Variants in GRID1 observed in about 807,000 individuals in gnomAD.
GRID1 encodes glutamate ionotropic receptor delta type subunit 1.
Under a neutral mutation model 98.0 loss-of-function variants are expected in GRID1, and 28 were observed. The observed-to-expected ratio is 0.29, with a 90% CI of 0.21 to 0.39. The LOEUF (loss-of-function observed/expected upper bound fraction) is 0.39. Ranked by LOEUF, GRID1 falls within the 10% of genes least tolerant of loss-of-function variation. The pLI, the probability that GRID1 is intolerant of heterozygous loss-of-function variation, is 1.00. For missense variants in GRID1, 1,111 were observed against 1,340.5 expected (o/e 0.83, Z 2.67); for synonymous variants, 553 against 538.5 (o/e 1.03, Z -0.37).
chr10:86,055,813 T>TTCTCTCTC (rs141146400), intron 4 of GRID1, among the ~76,000 whole-genome samples: 6,468 of 147,374 alleles, frequency 0.044, 142 homozygotes, highest in Middle Eastern at 0.062. Flanking sequence ...TGTGCTCTCA[T>TTCTCTCTC]TCTCTCTCTC....
chr10:85,705,723 A>T (rs1841508159), intron 12 of GRID1, among the ~76,000 whole-genome samples: 1 of 152,248 alleles, frequency 6.6e-6, no homozygotes, highest in South Asian at 2.1e-4. Flanking sequence ...ATATTGGCAA[A>T]CCGAATCCAG....
chr10:86,332,699 T>G (rs1848164263), intron 2 of GRID1, among the ~76,000 whole-genome samples: 2 of 151,980 alleles, frequency 1.3e-5, no homozygotes, highest in South Asian at 2.1e-4. Flanking sequence ...ACCCCTCTCC[T>G]CCTGAGGCTT....
At chr10:85,630,982 T>C (rs1377260906) in intron 13 of GRID1, among the ~76,000 whole-genome samples, 1 of 152,180 alleles carries the variant, frequency 6.6e-6, no homozygotes, top group Admixed American at 6.5e-5. Flanking sequence ...ACCATAGAGT[T>C]GAGAGACCAA....
At chr10:85,769,116 G>A (rs934486904) in intron 8 of GRID1, among the ~76,000 whole-genome samples, 2 of 152,136 alleles carry the variant, frequency 1.3e-5, no homozygotes, top group African/African-American at 2.4e-5. Context: ...AGTTCTTTCT[G>A]AACTAATATG....
chr10:85,756,740 T>C (rs990034972), intron 8 of GRID1, among the ~76,000 whole-genome samples: 12 of 152,216 alleles, frequency 7.9e-5, no homozygotes, highest in African/African-American at 2.4e-4. Flanking sequence ...CCATGAAAAC[T>C]GAAACCGCAA....
intron 12 of GRID1, among the ~76,000 whole-genome samples, chr10:85,651,293 G>C (rs1270502492): frequency 6.6e-6 from 1 of 152,208 alleles, no homozygotes; most frequent in African/African-American, 2.4e-5. Context: ...TTGGAACACT[G>C]TGCTCATGTG....
At chr10:85,652,735 C>A (rs1159953451) in intron 12 of GRID1, among the ~76,000 whole-genome samples, 3 of 152,142 alleles carry the variant, frequency 2.0e-5, no homozygotes, top group African/African-American at 4.8e-5. Context: ...CACTGATAAG[C>A]CTCTCCTGGG....
intron 6 of GRID1, among the ~76,000 whole-genome samples, chr10:85,865,913 A>ATATATT (rs1491309273): frequency 0.034 from 348 of 10,290 alleles, 6 homozygotes; most frequent in African/African-American, 0.069. Context: ...ACATATATAC[A>ATATATT]TATATATATA....
chr10:86,063,120 G>T (rs1307975953), intron 4 of GRID1, among the ~76,000 whole-genome samples: 3 of 152,200 alleles, frequency 2.0e-5, no homozygotes, highest in African/African-American at 7.2e-5. Flanking sequence ...ACTACTGAGG[G>T]CAACAATGCC....
chr10:86,336,846 C>CT (rs1376825534), intron 2 of GRID1, among the ~76,000 whole-genome samples: 1 of 32,424 alleles, frequency 3.1e-5, no homozygotes, highest in African/African-American at 1.6e-4. Context: ...GCCTGGCCCA[C>CT]TATTTTTTTT....
At chr10:85,607,703 G>T (rs1232318018) in intron 15 of GRID1, among the ~76,000 whole-genome samples, 2 of 152,156 alleles carry the variant, frequency 1.3e-5, no homozygotes, top group African/African-American at 4.8e-5. Flanking sequence ...ACTGAGGCTA[G>T]GGGTAAGGCA....
chr10:85,735,644 G>A (rs1251053997), intron 8 of GRID1, among the ~76,000 whole-genome samples: 3 of 152,120 alleles, frequency 2.0e-5, no homozygotes, highest in African/African-American at 7.2e-5. Context: ...CTGTAGACTA[G>A]TTATAAAGGT....
intron 6 of GRID1, among the ~76,000 whole-genome samples, chr10:85,865,761 G>A (rs1166122034): frequency 6.6e-6 from 1 of 151,728 alleles, no homozygotes; most frequent in Non-Finnish European, 1.5e-5. Context: ...GGAATGGCTT[G>A]TAAATGAGAT....
At chr10:86,248,110 G>T (rs1846760872) in intron 2 of GRID1, among the ~76,000 whole-genome samples, 1 of 152,218 alleles carries the variant, frequency 6.6e-6, no homozygotes, top group Non-Finnish European at 1.5e-5. Flanking sequence ...ATCACTGCTT[G>T]CTTATTAAAT....
intron 12 of GRID1, among the ~76,000 whole-genome samples, chr10:85,662,753 T>G (rs1179354608): frequency 4.6e-5 from 7 of 152,118 alleles, no homozygotes; most frequent in Non-Finnish European, 1.0e-4. Context: ...ATATCCACCA[T>G]GCCGCCATGA....
intron 2 of GRID1, among the ~76,000 whole-genome samples, chr10:86,244,562 G>A (rs1372110071): frequency 6.6e-6 from 1 of 152,216 alleles, no homozygotes; most frequent in African/African-American, 2.4e-5. Context: ...CAAGGAGGCT[G>A]CCACCCCCTC....
chr10:86,000,005 T>G (rs1171912689), intron 4 of GRID1, among the ~76,000 whole-genome samples: 1 of 152,214 alleles, frequency 6.6e-6, no homozygotes, highest in Non-Finnish European at 1.5e-5. Context: ...AATCAAAGCG[T>G]GTACAGATTG....
chr10:85,659,605 G>C (rs1470944596), intron 12 of GRID1, among the ~76,000 whole-genome samples: 1 of 152,208 alleles, frequency 6.6e-6, no homozygotes, highest in Non-Finnish European at 1.5e-5. Context: ...TGCAAAACCA[G>C]CTGTAATTAA....
chr10:86,342,895 TTAAAG>T (rs1247891776), intron 2 of GRID1, among the ~76,000 whole-genome samples: 1 of 152,252 alleles, frequency 6.6e-6, no homozygotes, highest in African/African-American at 2.4e-5. Flanking sequence ...CACAGGCTCT[TTAAAG>T]ATAAAGATCC....
Sources: gnomAD v4.1 joint callset for allele counts (sites outside exome capture counted in the v4.1 genomes callset) on GRCh38, gnomAD v4.1.1 for gene constraint, MANE v1.5 for transcripts, NCBI Gene and HGNC (gene_info 2026-07-23, HGNC 2026-07-21) for gene names.